CACNA1E: variants seen among roughly 807,000 people sequenced by gnomAD.
The protein encoded by CACNA1E is voltage-dependent R-type calcium channel subunit alpha-1E.
CACNA1E carries 40 observed loss-of-function variants against 259.2 expected under a neutral mutation model. The ratio of observed to expected loss-of-function variants is 0.15; its 90% confidence interval spans 0.12 to 0.20. CACNA1E has a LOEUF of 0.20. Among genes scored for constraint, CACNA1E ranks in the 10% least tolerant of loss-of-function variants. CACNA1E has a pLI of 1.00. For missense variants in CACNA1E, 1,874 were observed against 3,040.1 expected (o/e 0.62, Z 9.02); for synonymous variants, 1,104 against 1,138.5 (o/e 0.97, Z 0.61).
chr1:181,618,274 G>C (rs1395363793), intron 6 of CACNA1E, among the ~76,000 whole-genome samples: 1 of 152,194 alleles, frequency 6.6e-6, no homozygotes, highest in East Asian at 1.9e-4. Flanking sequence ...GACTTCAAGA[G>C]ATCATCTGGG....
chr1:181,490,247 G>A (rs1166598226), intron 1 of CACNA1E, among the ~76,000 whole-genome samples: 1 of 152,196 alleles, frequency 6.6e-6, no homozygotes, highest in East Asian at 1.9e-4. Flanking sequence ...ACTTTAAAAT[G>A]TGTCGGTTAT....
chr1:181,495,694 G>A (rs1664686000), intron 1 of CACNA1E, among the ~76,000 whole-genome samples: 1 of 152,186 alleles, frequency 6.6e-6, no homozygotes, highest in South Asian at 2.1e-4. Flanking sequence ...GAGCCTCAGT[G>A]TCTTCAGATG....
intron 3 of CACNA1E, among the ~76,000 whole-genome samples, chr1:181,562,162 T>C (rs1649395562): frequency 6.6e-6 from 1 of 152,180 alleles, no homozygotes; most frequent in African/African-American, 2.4e-5. Context: ...ATGAACAACA[T>C]TGTATGTGAA....
intron 3 of CACNA1E, among the ~76,000 whole-genome samples, chr1:181,575,525 A>G (rs1043902604): frequency 1.3e-5 from 2 of 151,754 alleles, no homozygotes; most frequent in African/African-American, 2.4e-5. Flanking sequence ...CTTTCCCTCT[A>G]CCATTTTTCC....
chr1:181,575,923 T>G (rs887331835), intron 3 of CACNA1E, among the ~76,000 whole-genome samples: 5 of 152,216 alleles, frequency 3.3e-5, no homozygotes, highest in Non-Finnish European at 7.3e-5. Context: ...TTTCTATTTC[T>G]GTCATATTTT....
intron 6 of CACNA1E, among the ~76,000 whole-genome samples, chr1:181,649,379 CAAAAA>C (rs111445921): frequency 1.4e-5 from 2 of 140,136 alleles, no homozygotes; most frequent in Non-Finnish European, 3.1e-5. Flanking sequence ...AGTGTAGGGG[CAAAAA>C]AAAAAAGACA....
chr1:181,500,856 CTT>C (rs1340519190), intron 1 of CACNA1E, among the ~76,000 whole-genome samples: 1 of 152,172 alleles, frequency 6.6e-6, no homozygotes, highest in Non-Finnish European at 1.5e-5. Context: ...TCTATGGACT[CTT>C]TCACAAAAGG....
intron 2 of CACNA1E, among the ~76,000 whole-genome samples, chr1:181,468,220 C>G (rs1403897512): frequency 1.3e-5 from 2 of 152,138 alleles, no homozygotes; most frequent in African/African-American, 2.4e-5. Flanking sequence ...ATATTGTACT[C>G]GAGATGTGAG....
intron 17 of CACNA1E, among the ~76,000 whole-genome samples, chr1:181,725,804 G>A (rs1376345317): frequency 6.6e-6 from 1 of 152,226 alleles, no homozygotes; most frequent in Non-Finnish European, 1.5e-5. Context: ...TGGTTCTCAT[G>A]AGCAACCTGT....
intron 6 of CACNA1E, among the ~76,000 whole-genome samples, chr1:181,611,937 A>G (rs929957447): frequency 4.6e-5 from 7 of 152,214 alleles, no homozygotes; most frequent in Non-Finnish European, 7.3e-5. Flanking sequence ...CCCTTGATAC[A>G]TACAGAAGGC....
chr1:181,453,914 G>C (rs1661304878), intron 2 of CACNA1E, among the ~76,000 whole-genome samples: 1 of 152,216 alleles, frequency 6.6e-6, no homozygotes, highest in Admixed American at 6.5e-5. Flanking sequence ...CCACAGCAGG[G>C]AGAACACAGG....
chr1:181,483,483 G>C (rs1272517712), upstream of CACNA1E: 14 of 334,202 alleles, frequency 4.2e-5, no homozygotes, highest in East Asian at 6.3e-4. Context: ...CCTACCACCC[G>C]CTTTTTTTTT....
At chr1:181,544,840 T>G (rs942283263) in intron 3 of CACNA1E, among the ~76,000 whole-genome samples, 1 of 152,144 alleles carries the variant, frequency 6.6e-6, no homozygotes, top group Non-Finnish European at 1.5e-5. Context: ...AGATAGCAAT[T>G]TAAAGGGTCA....
At chr1:181,392,344 C>A (rs1453872333) in intron 1 of CACNA1E, among the ~76,000 whole-genome samples, 1 of 152,202 alleles carries the variant, frequency 6.6e-6, no homozygotes. Context: ...AACCTCACCT[C>A]TTCCAGGAAG....
intron 1 of CACNA1E, among the ~76,000 whole-genome samples, chr1:181,344,804 G>T (rs1402462814): frequency 6.6e-6 from 1 of 152,206 alleles, no homozygotes; most frequent in Admixed American, 6.5e-5. Context: ...CATCGGCCTG[G>T]GAACCTGAAG....
chr1:181,343,701 T>C (rs1652355804), intron 1 of CACNA1E, among the ~76,000 whole-genome samples: 1 of 152,254 alleles, frequency 6.6e-6, no homozygotes, highest in African/African-American at 2.4e-5. Flanking sequence ...GCGACAGCTT[T>C]CTGACTGGCT....
chr1:181,797,821 G>T (rs990490595), intron 47 of CACNA1E, among the ~76,000 whole-genome samples: 1 of 152,174 alleles, frequency 6.6e-6, no homozygotes. Context: ...GAAGACATGG[G>T]CAGGAATAAG....
chr1:181,381,342 G>C (rs1035576176), intron 1 of CACNA1E, among the ~76,000 whole-genome samples: 1 of 152,166 alleles, frequency 6.6e-6, no homozygotes, highest in Non-Finnish European at 1.5e-5. Context: ...CTATTGATAT[G>C]AGCTACAACA....
intron 1 of CACNA1E, 106 bp downstream of exon 1, chr1:181,484,116 T>G: frequency 8.6e-7 from 1 of 1,166,968 alleles, no homozygotes; most frequent in Admixed American, 1.8e-5. Context: ...TGGTGCCAAT[T>G]TGCCCCTTTG....
Sources: gnomAD v4.1 joint callset for allele counts (sites outside exome capture counted in the v4.1 genomes callset) on GRCh38, gnomAD v4.1.1 for gene constraint, MANE v1.5 for transcripts, NCBI Gene and HGNC (gene_info 2026-07-23, HGNC 2026-07-21) for gene names.